HDAC9: variants seen among roughly 807,000 people sequenced by gnomAD.
HDAC9 encodes histone deacetylase 9, also known as MEF-2 interacting transcription repressor (MITR) protein.
Under a neutral mutation model 139.4 loss-of-function variants are expected in HDAC9, and 41 were observed. That is an observed-to-expected ratio of 0.29 (90% CI 0.23 to 0.38). HDAC9 has a LOEUF of 0.38. Ranked by LOEUF, HDAC9 falls within the 10% of genes least tolerant of loss-of-function variation. The probability of loss-of-function intolerance (pLI) is 1.00; values close to 1 mark genes in which losing one functional copy is unlikely to be tolerated. For synonymous variants in HDAC9, 517 were observed against 476.2 expected, an observed-to-expected ratio of 1.09 and a Z score of -1.12; for missense variants, 1,147 against 1,297.0, an observed-to-expected ratio of 0.88 and a Z score of 1.78.
intron 25 of HDAC9, among the ~76,000 whole-genome samples, chr7:18,984,621 T>G (rs971595150): frequency 6.6e-6 from 1 of 152,028 alleles, no homozygotes; most frequent in South Asian, 2.1e-4. Context: ...CTAGTGTAGA[T>G]AAATTGTTGA....
intron 22 of HDAC9, among the ~76,000 whole-genome samples, chr7:18,888,099 A>T (rs1344108750): frequency 6.6e-6 from 1 of 152,214 alleles, no homozygotes; most frequent in African/African-American, 2.4e-5. Context: ...CTGATCTGTC[A>T]GTATTAATAG....
intron 1 of HDAC9, among the ~76,000 whole-genome samples, chr7:18,337,950 T>C (rs534834894): frequency 4.0e-5 from 6 of 151,820 alleles, no homozygotes; most frequent in Non-Finnish European, 7.4e-5. Flanking sequence ...CTCTGGTGAG[T>C]TCAAATAGTT....
intron 2 of HDAC9, among the ~76,000 whole-genome samples, chr7:18,503,109 A>G (rs1425485409): frequency 3.3e-5 from 5 of 152,208 alleles, no homozygotes; most frequent in African/African-American, 1.2e-4. Flanking sequence ...AATTGAAATA[A>G]AAGCTCATGC....
At position 18,392,290 on chromosome 7, in the gene HDAC9, G is replaced by GTC. The variant is rs370169850; in HGVS notation, c.-42+101800_-42+101801dup. ...TCTCTGTCACTCTCTCTCTCTCTCT[G>GTC]TCTCTCTCTCTCTCTCTCTCTCTCT... On this transcript the variant is annotated intron_variant, in intron 1 of 3. Transcript: ENST00000413509. Among the ~76,000 whole-genome samples, 281 of 99,684 alleles carry GTC rather than the reference G, an allele frequency of 2.8e-3. 1 individual carries two copies. Among genetic ancestry groups the GTC allele is most frequent in the South Asian group, 3.6e-3 (11 of 3,088 alleles). The allele number at this position is 99,684 out of a possible 152,430, so 65.4% of individuals were successfully genotyped here.
intron 1 of HDAC9, among the ~76,000 whole-genome samples, chr7:18,161,668 A>G (rs1052220302): frequency 3.3e-5 from 5 of 152,176 alleles, no homozygotes; most frequent in African/African-American, 7.2e-5. Flanking sequence ...TATGGTTGCT[A>G]TTACTTTGGG....
chr7:18,136,247 G>A (rs1226959601), intron 1 of HDAC9, among the ~76,000 whole-genome samples: 14 of 150,368 alleles, frequency 9.3e-5, no homozygotes, highest in African/African-American at 3.5e-4. Flanking sequence ...CTCCCATTTT[G>A]TAGGTTGCCT....
rs116144864 is a variant in HDAC9 at position 18,733,021 on chromosome 7, A to G, written c.1909+5264A>G. Among the ~76,000 whole-genome samples, 1,049 of 133,428 alleles carry G rather than the reference A, an allele frequency of 7.9e-3. 34 individuals are homozygous for G. The highest frequency in any genetic ancestry group is 0.025 in the African/African-American group (732 of 29,598). 87.5% of individuals were successfully genotyped at this position (133,428 alleles called of 152,430 possible). ...TGTATATACACATGTGTATGTGTGT[A>G]TATATGTATATATACAGATATACAT... On this transcript the variant is annotated intron_variant, in intron 13 of 25. Transcript: ENST00000686413.
At position 18,897,603 on chromosome 7, in the gene HDAC9, G is replaced by A. The variant is rs535536509; in HGVS notation, c.2803+23007G>A. 3.2e-4 allele frequency among the ~76,000 whole-genome samples: 48 copies of A among 151,776 alleles called. No homozygotes were observed. In the South Asian group the frequency reaches 4.4e-3, roughly 14 times the overall value. Reference sequence around the variant, plus strand: ...ATATCAATTCAACCATGTTTTACTGGAGAAGATCTTGCTAAACTGCTTGAT... The same window carrying A: ...ATATCAATTCAACCATGTTTTACTGAAGAAGATCTTGCTAAACTGCTTGAT... On this transcript the variant is annotated intron_variant, in intron 22 of 25. Coordinates refer to ENST00000686413, the MANE Select transcript of HDAC9 (RefSeq NM_178425.4).
At chr7:18,530,435 A>C (rs1056018871) in intron 2 of HDAC9, among the ~76,000 whole-genome samples, 3 of 149,424 alleles carry the variant, frequency 2.0e-5, no homozygotes, top group Non-Finnish European at 4.5e-5. Context: ...GGTGTTGAAC[A>C]AAAAAAAAAT....
chr7:18,701,874 C>G (rs1342185780), intron 12 of HDAC9, among the ~76,000 whole-genome samples: 1 of 152,208 alleles, frequency 6.6e-6, no homozygotes, highest in Non-Finnish European at 1.5e-5. Flanking sequence ...GATTAAAATT[C>G]TTGCTCTATT....
chr7:18,508,734 A>G (rs1449230120), intron 2 of HDAC9, among the ~76,000 whole-genome samples: 2 of 152,208 alleles, frequency 1.3e-5, no homozygotes, highest in African/African-American at 2.4e-5. Context: ...TATCTTCGCC[A>G]GCTGAAGTTA....
chr7:18,362,316 A>G (rs796220540), intron 1 of HDAC9, among the ~76,000 whole-genome samples: 1 of 152,130 alleles, frequency 6.6e-6, no homozygotes, highest in Non-Finnish European at 1.5e-5. Context: ...ATTTCTCTAT[A>G]TATTTGTGTT....
chr7:18,178,574 C>A (rs563908072), intron 2 of HDAC9, among the ~76,000 whole-genome samples: 1 of 152,282 alleles, frequency 6.6e-6, no homozygotes, highest in African/African-American at 2.4e-5. Flanking sequence ...GTAACTTGAA[C>A]TTCTCCCTGT....
chr7:18,355,483 T>C (rs1332028502), intron 1 of HDAC9, among the ~76,000 whole-genome samples: 1 of 152,150 alleles, frequency 6.6e-6, no homozygotes. Context: ...TAAAAATGGG[T>C]TGCTCATAAT....
At chr7:18,317,033 G>GC (rs1799700509) in intron 1 of HDAC9, among the ~76,000 whole-genome samples, 1 of 151,386 alleles carries the variant, frequency 6.6e-6, no homozygotes. Context: ...GGCAGAGCTT[G>GC]CAGTGAGCCG....
chr7:18,268,743 G>C (rs562950490), intron 2 of HDAC9, among the ~76,000 whole-genome samples: 1 of 152,108 alleles, frequency 6.6e-6, no homozygotes, highest in Non-Finnish European at 1.5e-5. Context: ...AATGGGGGGT[G>C]GCTGGTATTT....
chr7:18,833,548 A>T (rs1796010745), intron 19 of HDAC9, among the ~76,000 whole-genome samples: 1 of 152,206 alleles, frequency 6.6e-6, no homozygotes, highest in Non-Finnish European at 1.5e-5. Flanking sequence ...AACACAAAAG[A>T]CATTGTGGCT....
chr7:18,521,826 A>T (rs1009366320), intron 2 of HDAC9, among the ~76,000 whole-genome samples: 2 of 152,192 alleles, frequency 1.3e-5, no homozygotes, highest in South Asian at 4.1e-4. Context: ...TTCTGAAATG[A>T]TTCCATTTAT....
intron 12 of HDAC9, among the ~76,000 whole-genome samples, chr7:18,674,417 C>T (rs1781372261): frequency 6.6e-6 from 1 of 152,050 alleles, no homozygotes; most frequent in Non-Finnish European, 1.5e-5. Flanking sequence ...CAGGCACTCA[C>T]TTCTGCCATA....
Sources: gnomAD v4.1 joint callset for allele counts (sites outside exome capture counted in the v4.1 genomes callset) on GRCh38, gnomAD v4.1.1 for gene constraint, MANE v1.5 for transcripts, NCBI Gene and HGNC (gene_info 2026-07-23, HGNC 2026-07-21) for gene names.